The following RBFOX3 variants were observed in gnomAD, a reference collection of about 807,000 sequenced individuals.
RBFOX3 encodes the protein RNA binding fox-1 homolog 3, also known as RNA binding protein fox-1 homolog 3.
Under a neutral mutation model 48.7 loss-of-function variants are expected in RBFOX3, and 17 were observed. The ratio of observed to expected loss-of-function variants is 0.35; its 90% CI spans 0.24 to 0.52. The LOEUF is 0.52. Among genes scored for constraint, RBFOX3 ranks in the 20% least tolerant of loss-of-function variants. The pLI, the probability that RBFOX3 is intolerant of heterozygous loss-of-function variation, is 0.94. For missense variants in RBFOX3, 382 were observed against 497.5 expected (o/e 0.77, Z 2.21); for synonymous variants, 212 against 209.5 (o/e 1.01, Z -0.10).
In RBFOX3 at chr17:79,090,745, G is replaced by C; in HGVS notation, c.*138C>G. 9.1e-7 allele frequency: 1 copy of C among 1,099,918 alleles called. No homozygotes were observed. The highest frequency in any genetic ancestry group is 1.7e-5 in the South Asian group (1 of 59,160). 68.1% of individuals were successfully genotyped at this position (1,099,918 alleles called of 1,614,324 possible). On this transcript the variant is annotated 3_prime_UTR_variant, in exon 15 of 15. Coordinates refer to ENST00000693108, the MANE Select transcript of RBFOX3 (RefSeq NM_001350451.2). The stretch of plus-strand genomic sequence containing the variant: ...GGCCAGGACGCGGGACTTGGACTTG[G>C]TTGGATGCCTCTTGGTTTGGTTGGT...
chr17:79,480,349 G>A lies in RBFOX3; in HGVS notation c.-175+2105C>T, dbSNP rs1366757710. 6.6e-6 allele frequency among the ~76,000 whole-genome samples: 1 copy of A among 152,166 alleles called. No individual in the cohort carries two copies. Among genetic ancestry groups the A allele is most frequent in the Non-Finnish European group, 1.5e-5 (1 of 68,016 alleles). On this transcript the variant is annotated intron_variant, in intron 2 of 14. Transcript: ENST00000693108. This position sits in a 1 kb window ranked among gnomAD's most constrained non-coding sequence, Gnocchi z 4.8. ...CTCCCGGGTCCATGGCAGAGCCAGTGCTCCCAGGGATAGAGTGCGACAGTG... is the reference window on the plus strand; with the variant it reads ...CTCCCGGGTCCATGGCAGAGCCAGTACTCCCAGGGATAGAGTGCGACAGTG...
intron 1 of RBFOX3, among the ~76,000 whole-genome samples, chr17:79,588,888 T>C (rs1037268060): frequency 6.6e-5 from 10 of 150,924 alleles, no homozygotes; most frequent in African/African-American, 2.5e-4. Flanking sequence ...CATCCTGAGC[T>C]TGGACCTGGG....
intron 4 of RBFOX3, among the ~76,000 whole-genome samples, chr17:79,138,975 G>C (rs2041274909): frequency 8.3e-6 from 1 of 121,206 alleles, no homozygotes. Context: ...CACAGCACAT[G>C]CGTTCACACC....
the RBFOX3 span, among the ~76,000 whole-genome samples, chr17:79,641,957 A>G: frequency 1.2e-4 from 19 of 152,304 alleles, no homozygotes; most frequent in Non-Finnish European, 2.2e-4. Context: ...AGGCCTCCCC[A>G]GAAGCAGATG....
rs76376117 is a variant in RBFOX3 at position 79,204,362 on chromosome 17, G to A, written c.-34+31404C>T. Reference sequence around the variant, plus strand: ...GAGCAGGGGGCGTAGGTGGGGTTGGGGCAGAATGTAAGTCTGAACAGAGGA... The same window carrying A: ...GAGCAGGGGGCGTAGGTGGGGTTGGAGCAGAATGTAAGTCTGAACAGAGGA... On this transcript the variant is annotated intron_variant, in intron 4 of 14. Coordinates refer to ENST00000693108, the MANE Select transcript of RBFOX3 (RefSeq NM_001350451.2). This position sits in a 1 kb window ranked among gnomAD's most constrained non-coding sequence, Gnocchi z 4.5. 0.043 allele frequency among the ~76,000 whole-genome samples: 6,474 copies of A among 152,250 alleles called. 422 individuals are homozygous for A. Among genetic ancestry groups the A allele is most frequent in the African/African-American group, 0.14 (5,727 of 41,508 alleles).
At chr17:79,091,291 A>C (rs1209260249) in intron 14 of RBFOX3, among the ~76,000 whole-genome samples, 2 of 152,272 alleles carry the variant, frequency 1.3e-5, no homozygotes, top group East Asian at 1.9e-4. Context: ...GGGAACCCAC[A>C]CCCTCCAGCT....
At chr17:79,389,040 A>C (rs377749166) in intron 2 of RBFOX3, among the ~76,000 whole-genome samples, 64 of 152,258 alleles carry the variant, frequency 4.2e-4, no homozygotes, top group African/African-American at 1.5e-3. Context: ...TTTTCTCTAC[A>C]TCCTTCCTCC....
intron 1 of RBFOX3, among the ~76,000 whole-genome samples, chr17:79,531,054 TCCAGGGGCTCCTCCCCG>T (rs2087688823): frequency 6.6e-6 from 1 of 152,230 alleles, no homozygotes; most frequent in Non-Finnish European, 1.5e-5. Flanking sequence ...TGTGCCCCAG[TCCAGGGGCTCCTCCCCG>T]CCAGGACTTA....
the RBFOX3 span, among the ~76,000 whole-genome samples, chr17:79,620,184 T>TGTGCACATGCACACAC: frequency 2.7e-5 from 3 of 111,624 alleles, no homozygotes; most frequent in African/African-American, 6.9e-5. Context: ...TGCACACACA[T>TGTGCACATGCACACAC]GTGCACATGC....
At chr17:79,387,197 C>G (rs1397459524) in intron 2 of RBFOX3, among the ~76,000 whole-genome samples, 1 of 152,210 alleles carries the variant, frequency 6.6e-6, no homozygotes, top group African/African-American at 2.4e-5. Flanking sequence ...TGCTTACACA[C>G]AGCATTTCCA....
At chr17:79,240,611 G>A (rs1161444533) in intron 3 of RBFOX3, among the ~76,000 whole-genome samples, 1 of 152,180 alleles carries the variant, frequency 6.6e-6, no homozygotes, top group Non-Finnish European at 1.5e-5. Flanking sequence ...ACCAAGATGA[G>A]AGAAAGGATA....
At chr17:79,162,120 A>C (rs1436541137) in intron 4 of RBFOX3, among the ~76,000 whole-genome samples, 3 of 152,132 alleles carry the variant, frequency 2.0e-5, no homozygotes, top group African/African-American at 7.2e-5. Flanking sequence ...GCTCCTTGTA[A>C]CCTCTGGTCC....
At chr17:79,414,573 G>C (rs1485941999) in intron 2 of RBFOX3, among the ~76,000 whole-genome samples, 1 of 152,176 alleles carries the variant, frequency 6.6e-6, no homozygotes, top group Non-Finnish European at 1.5e-5. Context: ...TCCTAAGCCT[G>C]TGTCTGACTG....
At position 79,111,166 on chromosome 17, in the gene RBFOX3, A is replaced by T. The variant is rs1238508306; in HGVS notation, c.222+4328T>A. On this transcript the variant is annotated intron_variant, in intron 5 of 14. Transcript: ENST00000693108. This position sits in a 1 kb window ranked among gnomAD's most constrained non-coding sequence, Gnocchi z 4.2. ...GAGGTTCATCCTGGGGCTGCAGGTCACTGGGCAGAGAGGCCTCCAGGGACC... is the reference window on the plus strand; with the variant it reads ...GAGGTTCATCCTGGGGCTGCAGGTCTCTGGGCAGAGAGGCCTCCAGGGACC... 6.6e-6 allele frequency among the ~76,000 whole-genome samples: 1 copy of T among 152,196 alleles called. No homozygotes were observed. The highest frequency in any genetic ancestry group is 1.9e-4 in the East Asian group (1 of 5,186).
chr17:79,228,749 T>G (rs2060631603), intron 4 of RBFOX3, among the ~76,000 whole-genome samples: 1 of 152,150 alleles, frequency 6.6e-6, no homozygotes, highest in Non-Finnish European at 1.5e-5. Context: ...TGGTCAACAT[T>G]CTGGGGCATT....
chr17:79,095,648 G>A, intron 12 of RBFOX3, 74 bp from the exon 13 acceptor site: 1 of 1,340,618 alleles, frequency 7.5e-7, no homozygotes, highest in Non-Finnish European at 1.0e-6. Flanking sequence ...AGTGGGGAGA[G>A]GAGACAGACC....
chr17:79,113,095 G>T (rs2032619528), intron 5 of RBFOX3, among the ~76,000 whole-genome samples: 1 of 152,114 alleles, frequency 6.6e-6, no homozygotes, highest in Admixed American at 6.5e-5. Flanking sequence ...ATACCAGGCT[G>T]CTTGGGGCAG....
intron 2 of RBFOX3, among the ~76,000 whole-genome samples, chr17:79,339,311 C>T (rs895699529): frequency 6.6e-6 from 1 of 152,194 alleles, no homozygotes; most frequent in African/African-American, 2.4e-5. Context: ...TTGTCTCGGC[C>T]TCCCAAAGCG....
chr17:79,403,213 C>G (rs2063047422), intron 2 of RBFOX3, among the ~76,000 whole-genome samples: 1 of 152,158 alleles, frequency 6.6e-6, no homozygotes, highest in South Asian at 2.1e-4. Context: ...CCCCACCACC[C>G]TGTATGTCCT....
Sources: gnomAD v4.1 joint callset for allele counts (sites outside exome capture counted in the v4.1 genomes callset) on GRCh38, gnomAD v4.1.1 for gene constraint, Gnocchi (gnomAD v3.1) non-coding constraint, MANE v1.5 for transcripts, NCBI Gene and HGNC (gene_info 2026-07-23, HGNC 2026-07-21) for gene names.